HSPA9: variants seen among roughly 807,000 people sequenced by gnomAD.
HSPA9 encodes the protein heat shock protein family A (Hsp70) member 9.
In HSPA9, 28 loss-of-function variants were observed where a neutral mutation model predicts 81.5. The observed-to-expected ratio is 0.34, with a 90% confidence interval of 0.25 to 0.47. HSPA9 has a LOEUF of 0.47. Ranked by LOEUF, HSPA9 falls within the 20% of genes least tolerant of loss-of-function variation. HSPA9 has a pLI of 1.00. For missense variants in HSPA9, 678 were observed against 838.0 expected (o/e 0.81, Z 2.36); for synonymous variants, 293 against 290.4 (o/e 1.01, Z -0.09).
chr5:138,575,232 C>T lies in HSPA9; in HGVS notation c.81+6G>A, dbSNP rs200328571. 304 of 1,596,336 alleles carry T rather than the reference C, an allele frequency of 1.9e-4. No individual in the cohort carries two copies. The highest frequency in any genetic ancestry group is 6.3e-4 in the African/African-American group (47 of 74,888). ...GACCCCATTCGGGAAGGTCCCAGTT[C>T]CTCACCTGGTGGCGGGCGGCCGTAG... On this transcript the variant is annotated splice_donor_region_variant and intron_variant, in intron 1 of 16. Coordinates refer to ENST00000297185, the MANE Select transcript of HSPA9 (RefSeq NM_004134.7).
rs1470226094 is a variant in HSPA9 at position 138,555,625 on chromosome 5, G to GC, written c.*411dup. The GC allele has an allele frequency of 3.4e-6, 1 of 290,806 alleles. No homozygotes were observed. Among genetic ancestry groups the GC allele is most frequent in the African/African-American group, 2.2e-5 (1 of 44,898 alleles). The allele number at this position is 290,806 out of a possible 1,614,324, so 18.0% of individuals were successfully genotyped here. A position where few individuals can be genotyped will look rare whatever the true frequency, so the allele number is the denominator to read the frequency against. On this transcript the variant is annotated 3_prime_UTR_variant, in exon 17 of 17. Coordinates refer to ENST00000297185, the MANE Select transcript of HSPA9 (RefSeq NM_004134.7). The stretch of plus-strand genomic sequence containing the variant: ...CCCCATGTACATACAGGCCAGTACA[G>GC]CAGTACTAGGCTAACTAGAAGGATC...
chr5:138,561,775 C>T lies in HSPA9; in HGVS notation c.987G>A (p.Leu329=). The T allele has an allele frequency of 6.2e-7, 1 of 1,613,528 alleles. No individual in the cohort carries two copies. The highest frequency in any genetic ancestry group is 8.5e-7 in the Non-Finnish European group (1 of 1,179,452). The change falls in exon 10 of 17, where the codon TTG becomes TTA. Residue 329 remains leucine, a synonymous_variant. Coordinates refer to ENST00000297185, the MANE Select transcript of HSPA9 (RefSeq NM_004134.7). ...LSSSVQTDIN[L]PYLTMDSSGP... ...CAGAAGAATCCATTGTAAGATAGGG[C>T]AAATTGATGTCAGTCTGCAAAGGAA... is the stretch of plus-strand genomic sequence containing the variant.
intron 3 of HSPA9, 95 bp downstream of exon 3, chr5:138,573,668 A>AAAAAAAGG (rs55663873): frequency 1.7e-6 from 1 of 594,902 alleles, no homozygotes; most frequent in Non-Finnish European, 2.9e-6. Flanking sequence ...AAAAAAAAAA[A>AAAAAAAGG]GCGCAAATCA....
In HSPA9 at chr5:138,554,018, G is replaced by A. The variant is rs1248768352; in HGVS notation, c.*2019C>T. ...TTACCCCAACAGCTTTCCCAGCAGT[G>A]GACTGTGGGTGGGACCTCGGTTCCA... On this transcript the variant is annotated 3_prime_UTR_variant, in exon 17 of 17. Transcript: ENST00000297185. Among the ~76,000 whole-genome samples, 1 of 152,156 alleles carries A rather than the reference G, an allele frequency of 6.6e-6. No homozygotes were observed. The highest frequency in any genetic ancestry group is 1.5e-5 in the Non-Finnish European group (1 of 68,028).
At chr5:138,558,795 T>A (rs868249441) in intron 11 of HSPA9, 138 bp from the exon 12 acceptor site, 4 of 688,030 alleles carry the variant, frequency 5.8e-6, no homozygotes, top group Non-Finnish European at 8.0e-6. Context: ...AAGGCTGATG[T>A]CTTTATAGGG....
chr5:138,563,542 C>T (rs1455265231), intron 9 of HSPA9, among the ~76,000 whole-genome samples: 1 of 152,168 alleles, frequency 6.6e-6, no homozygotes, highest in African/African-American at 2.4e-5. Flanking sequence ...CCCCTACACC[C>T]ACTCAGGGTG....
chr5:138,569,527 T>C (rs1043686388), intron 4 of HSPA9, among the ~76,000 whole-genome samples: 1 of 152,194 alleles, frequency 6.6e-6, no homozygotes, highest in Non-Finnish European at 1.5e-5. Context: ...ATGTGCTGTA[T>C]GTCCATACAG....
rs1316652724 is a variant in HSPA9 at position 138,558,004 on chromosome 5, C to T, written c.1516-18G>A. ...ATTCCAATCTAAAATAAATAATATC[C>T]AGAGTAAGGTCCTCTTACAGAGGGG... On this transcript the variant is annotated intron_variant, in intron 12 of 16. Coordinates refer to ENST00000297185, the MANE Select transcript of HSPA9 (RefSeq NM_004134.7). 2 of 1,499,046 alleles carry T rather than the reference C, an allele frequency of 1.3e-6. No homozygotes were observed. The highest frequency in any genetic ancestry group is 2.3e-5 in the East Asian group (1 of 44,340). The allele number at this position is 1,499,046 out of a possible 1,614,324, so 92.9% of individuals were successfully genotyped here.
rs1750469039 is a variant in HSPA9 at position 138,553,981 on chromosome 5, G to A, written c.*2056C>T. Among the ~76,000 whole-genome samples, 1 of 152,166 alleles carries A rather than the reference G, an allele frequency of 6.6e-6. No homozygotes were observed. Among genetic ancestry groups the A allele is most frequent in the African/African-American group, 2.4e-5 (1 of 41,444 alleles). ...GGACTAGGACACCACTGTGTTCCTG[G>A]TCACTGAAATTTTACCCCAACAGCT... On this transcript the variant is annotated 3_prime_UTR_variant, in exon 17 of 17. Transcript: ENST00000297185.
chr5:138,569,255 G>A (rs1561860842), intron 4 of HSPA9, among the ~76,000 whole-genome samples: 1 of 152,100 alleles, frequency 6.6e-6, no homozygotes, highest in Non-Finnish European at 1.5e-5. Context: ...TAAAAAGAAA[G>A]CAATCACTAA....
At chr5:138,564,589 C>T (rs534754359) in intron 9 of HSPA9, among the ~76,000 whole-genome samples, 17 of 152,246 alleles carry the variant, frequency 1.1e-4, no homozygotes, top group African/African-American at 2.4e-4. Flanking sequence ...TTTGTAGAGA[C>T]GGGGGTTCTC....
At position 138,553,893 on chromosome 5, in the gene HSPA9, T is replaced by C. The variant is rs889681773; in HGVS notation, c.*2144A>G. On this transcript the variant is annotated 3_prime_UTR_variant, in exon 17 of 17. Coordinates refer to ENST00000297185, the MANE Select transcript of HSPA9 (RefSeq NM_004134.7). Reference sequence around the variant, plus strand: ...TCTGCTTTGATGTGAGTGGACATCATCTAATCAGTTAAGGGCCTATATAGA... The same window carrying C: ...TCTGCTTTGATGTGAGTGGACATCACCTAATCAGTTAAGGGCCTATATAGA... Among the ~76,000 whole-genome samples the C allele has an allele frequency of 2.6e-5, 4 of 152,182 alleles. No homozygotes were observed. The highest frequency in any genetic ancestry group is 4.8e-5 in the African/African-American group (2 of 41,450).
chr5:138,574,948 C>A, intron 1 of HSPA9: 1 of 549,786 alleles, frequency 1.8e-6, no homozygotes, highest in Non-Finnish European at 3.2e-6. Flanking sequence ...ACCCCCAAGG[C>A]CAAACCTTTC....
intron 3 of HSPA9, among the ~76,000 whole-genome samples, 165 bp from the exon 4 acceptor site, chr5:138,571,306 T>C (rs1750879661): frequency 6.6e-6 from 1 of 152,016 alleles, no homozygotes; most frequent in Non-Finnish European, 1.5e-5. Flanking sequence ...TCAGCCTCCC[T>C]AGTAGCTGGT....
At chr5:138,557,634 C>T in intron 13 of HSPA9, 138 bp from the exon 14 acceptor site, 5 of 749,794 alleles carry the variant, frequency 6.7e-6, no homozygotes, top group Non-Finnish European at 9.5e-6. Context: ...CCCTATAGTC[C>T]TATAAAGCAA....
At chr5:138,564,415 T>A (rs1330757476) in intron 9 of HSPA9, among the ~76,000 whole-genome samples, 4 of 152,212 alleles carry the variant, frequency 2.6e-5, no homozygotes, top group Non-Finnish European at 5.9e-5. Flanking sequence ...CTTCTTAGAT[T>A]GCTTTTAAGA....
At chr5:138,570,391 C>T (rs920603677) in intron 4 of HSPA9, among the ~76,000 whole-genome samples, 7 of 152,140 alleles carry the variant, frequency 4.6e-5, no homozygotes, top group Non-Finnish European at 1.5e-5. Context: ...CCATTTCTGC[C>T]TTATGTATTC....
chr5:138,567,319 A>T, intron 7 of HSPA9, 136 bp downstream of exon 7: 1 of 998,316 alleles, frequency 1.0e-6, no homozygotes, highest in Non-Finnish European at 1.5e-6. Context: ...AAAGAAAAGA[A>T]TGGTTTTGAA....
In HSPA9 at chr5:138,567,038, G is replaced by T. The variant is rs201220680; in HGVS notation, c.842C>A (p.Ala281Asp). Reference sequence around the variant, plus strand: ...CTCCTTCACAATGTGCCGTAGCAAGGCCTGGTCAAAGTCTTCCCCACCTAA... The same window carrying T: ...CTCCTTCACAATGTGCCGTAGCAAGTCCTGGTCAAAGTCTTCCCCACCTAA... Reference protein sequence around the residue: ...TFLGGEDFDQALLRHIVKEFK... With the variant: ...TFLGGEDFDQDLLRHIVKEFK... Residue 281 changes from alanine (A) to aspartate (D), a missense_variant, in exon 8 of 17, where the codon GCC becomes GAC. Physicochemically the swap from Ala to Asp is moderately radical, Grantham distance 126. Transcript: ENST00000297185. 3 of 1,612,864 alleles carry T rather than the reference G, an allele frequency of 1.9e-6. No individual in the cohort carries two copies. The highest frequency in any genetic ancestry group is 2.7e-5 in the African/African-American group (2 of 74,840).
Sources: gnomAD v4.1 joint callset for allele counts (sites outside exome capture counted in the v4.1 genomes callset) on GRCh38, gnomAD v4.1.1 for gene constraint, MANE v1.5 for transcripts, NCBI Gene and HGNC (gene_info 2026-07-23, HGNC 2026-07-21) for gene names.